Variants in KCND2 observed in about 807,000 individuals in gnomAD.
The protein encoded by KCND2 is A-type voltage-gated potassium channel KCND2.
Under a neutral mutation model 54.4 loss-of-function variants are expected in KCND2, and 16 were observed. The observed-to-expected ratio is 0.29, with a 90% CI of 0.20 to 0.45. The LOEUF (loss-of-function observed/expected upper bound fraction) is 0.45. KCND2 is among the 20% of genes least tolerant of loss of function. The pLI is 1.00. For missense variants in KCND2, 486 were observed against 824.2 expected, an observed-to-expected ratio of 0.59 and a Z score of 5.02; for synonymous variants, 317 against 310.7, an observed-to-expected ratio of 1.02 and a Z score of -0.21.
At chr7:120,359,395 C>T (rs554030815) in intron 1 of KCND2, among the ~76,000 whole-genome samples, 4 of 151,958 alleles carry the variant, frequency 2.6e-5, no homozygotes, top group Non-Finnish European at 5.9e-5. Flanking sequence ...GGACCACCAC[C>T]GATATGGGTT....
intron 1 of KCND2, among the ~76,000 whole-genome samples, chr7:120,476,549 C>T (rs1802536055): frequency 1.3e-5 from 2 of 152,120 alleles, no homozygotes; most frequent in African/African-American, 4.8e-5. Flanking sequence ...ATTATGAGCC[C>T]TCTAAGTCAA....
chr7:120,643,883 C>A (rs1036551600), intron 1 of KCND2, among the ~76,000 whole-genome samples: 1 of 150,630 alleles, frequency 6.6e-6, no homozygotes, highest in African/African-American at 2.4e-5. Context: ...ATAATACTTA[C>A]AATAATTATC....
chr7:120,443,446 C>T (rs1053950761), intron 1 of KCND2, among the ~76,000 whole-genome samples: 1 of 151,516 alleles, frequency 6.6e-6, no homozygotes, highest in African/African-American at 2.4e-5. Flanking sequence ...CAGCCTCTTT[C>T]CATGGAGACA....
chr7:120,284,964 T>G (rs968242716), intron 1 of KCND2, among the ~76,000 whole-genome samples: 6 of 152,170 alleles, frequency 3.9e-5, no homozygotes, highest in Non-Finnish European at 7.4e-5. Flanking sequence ...TTGTATTTTA[T>G]TTGTAATTTT....
chr7:120,645,055 A>T (rs1377159417), intron 1 of KCND2, among the ~76,000 whole-genome samples: 1 of 152,154 alleles, frequency 6.6e-6, no homozygotes, highest in Non-Finnish European at 1.5e-5. Flanking sequence ...ATGTATTCAG[A>T]CAGCATGTGT....
At chr7:120,622,576 T>C (rs753464592) in intron 1 of KCND2, among the ~76,000 whole-genome samples, 3 of 151,878 alleles carry the variant, frequency 2.0e-5, no homozygotes, top group Non-Finnish European at 4.4e-5. Flanking sequence ...CCACATAATA[T>C]TCAAGGAGTT....
chr7:120,383,754 G>A (rs1423800842), intron 1 of KCND2, among the ~76,000 whole-genome samples: 1 of 152,046 alleles, frequency 6.6e-6, no homozygotes, highest in Admixed American at 6.6e-5. Context: ...AAAAAATACA[G>A]TGTAAAGCTT....
intron 1 of KCND2, among the ~76,000 whole-genome samples, chr7:120,563,425 A>G (rs1388651871): frequency 1.3e-5 from 2 of 152,132 alleles, no homozygotes; most frequent in Non-Finnish European, 2.9e-5. Flanking sequence ...CTACTTGTGT[A>G]TACATGAAGC....
At chr7:120,605,618 G>T (rs1303690009) in intron 1 of KCND2, among the ~76,000 whole-genome samples, 4 of 152,190 alleles carry the variant, frequency 2.6e-5, no homozygotes, top group Non-Finnish European at 4.4e-5. Flanking sequence ...GGCAACTCAA[G>T]GTTTAACTTT....
intron 1 of KCND2, among the ~76,000 whole-genome samples, chr7:120,396,113 C>CTGCAAGATTAATAGGTACA (rs149391042): frequency 0.061 from 9,260 of 151,952 alleles, 866 homozygotes; most frequent in African/African-American, 0.21. Context: ...GGTACAAGTC[C>CTGCAAGATTAATAGGTACA]AGGGCCTGAT....
chr7:120,698,022 C>CTTTTT (rs35589294), intron 1 of KCND2, among the ~76,000 whole-genome samples: 53 of 85,566 alleles, frequency 6.2e-4, no homozygotes, highest in Non-Finnish European at 6.8e-4. Flanking sequence ...TAGATTTGCC[C>CTTTTT]TTTTTTTTTT....
intron 1 of KCND2, among the ~76,000 whole-genome samples, chr7:120,681,777 C>A (rs1792142804): frequency 6.6e-6 from 1 of 151,956 alleles, no homozygotes; most frequent in African/African-American, 2.4e-5. Context: ...TATGTGAATG[C>A]TGGTTTTATA....
At chr7:120,291,609 A>G (rs1036449156) in intron 1 of KCND2, among the ~76,000 whole-genome samples, 2 of 151,914 alleles carry the variant, frequency 1.3e-5, no homozygotes, top group Admixed American at 1.3e-4. Flanking sequence ...GTGCTATAGA[A>G]TATACATGAC....
chr7:120,695,204 T>A (rs1033053107), intron 1 of KCND2, among the ~76,000 whole-genome samples: 1 of 150,644 alleles, frequency 6.6e-6, no homozygotes, highest in Non-Finnish European at 1.5e-5. Context: ...TATATTAGTT[T>A]TATATATATT....
chr7:120,736,623 A>G (rs1248109409), intron 2 of KCND2, among the ~76,000 whole-genome samples: 1 of 151,998 alleles, frequency 6.6e-6, no homozygotes, highest in Non-Finnish European at 1.5e-5. Flanking sequence ...TAATCATAGT[A>G]GTAATTATAG....
At chr7:120,659,346 A>G (rs1791839775) in intron 1 of KCND2, among the ~76,000 whole-genome samples, 1 of 152,174 alleles carries the variant, frequency 6.6e-6, no homozygotes, top group Non-Finnish European at 1.5e-5. Flanking sequence ...CAAACTCTTT[A>G]TTAACCTTTA....
At chr7:120,474,729 T>G (rs1015230522) in intron 1 of KCND2, among the ~76,000 whole-genome samples, 1 of 152,100 alleles carries the variant, frequency 6.6e-6, no homozygotes, top group African/African-American at 2.4e-5. Context: ...TATCTAATAC[T>G]ATCCCATTAC....
At chr7:120,541,813 G>T (rs1791983122) in intron 1 of KCND2, among the ~76,000 whole-genome samples, 1 of 152,136 alleles carries the variant, frequency 6.6e-6, no homozygotes, top group African/African-American at 2.4e-5. Flanking sequence ...CAACTTGTAT[G>T]TATATGTGTA....
rs557028092 is a variant in KCND2 at position 120,403,861 on chromosome 7, C to A, written c.1115+128114C>A. Among the ~76,000 whole-genome samples the A allele has an allele frequency of 1.1e-4, 16 of 151,684 alleles. No homozygotes were observed. The South Asian group carries it at 3.3e-3, about 32-fold the overall frequency. On this transcript the variant is annotated intron_variant, in intron 1 of 5. Transcript: ENST00000331113. ...AAATAGAAATTTAATTCTTCTTCTG[C>A]CTATAAAAAAAATTAAAATAACAAG... is the stretch of plus-strand genomic sequence containing the variant.
Sources: allele counts gnomAD v4.1 joint callset (sites outside exome capture counted in the v4.1 genomes callset), GRCh38; gene constraint gnomAD v4.1.1; transcripts MANE v1.5; gene names NCBI Gene and HGNC (gene_info 2026-07-23, HGNC 2026-07-21).